The following TRIP4 variants were observed in gnomAD, a reference collection of about 807,000 sequenced individuals.
The protein encoded by TRIP4 is activating signal cointegrator 1.
A neutral mutation model predicts 81.8 loss-of-function variants in TRIP4; 54 were observed. The observed-to-expected ratio is 0.66, with a 90% CI of 0.53 to 0.83. The LOEUF is 0.83. Ranked by LOEUF, TRIP4 falls within the 40% of genes least tolerant of loss-of-function variation. TRIP4 has a pLI of 0.00. For missense variants in TRIP4, 662 were observed against 683.6 expected, an observed-to-expected ratio of 0.97 and a Z score of 0.35; for synonymous variants, 270 against 242.8, an observed-to-expected ratio of 1.11 and a Z score of -1.04.
intron 2 of TRIP4, among the ~76,000 whole-genome samples, chr15:64,395,186 A>G (rs1680755615): frequency 1.3e-5 from 2 of 152,162 alleles, no homozygotes; most frequent in Non-Finnish European, 2.9e-5. Flanking sequence ...AGTCCCAGCC[A>G]CTTGTTTGAC....
chr15:64,400,926 A>G, intron 5 of TRIP4, 105 bp downstream of exon 5: 2 of 901,992 alleles, frequency 2.2e-6, no homozygotes, highest in Non-Finnish European at 3.4e-6. Context: ...CAGTTTATTC[A>G]CTCATTCTCA....
intron 8 of TRIP4, among the ~76,000 whole-genome samples, chr15:64,417,551 G>T (rs1007501026): frequency 6.6e-6 from 1 of 152,074 alleles, no homozygotes; most frequent in African/African-American, 2.4e-5. Context: ...CGTTGCTCTG[G>T]AAGAAACATT....
intron 5 of TRIP4, among the ~76,000 whole-genome samples, chr15:64,405,114 T>A (rs2140288857): frequency 6.6e-6 from 1 of 152,174 alleles, no homozygotes; most frequent in Non-Finnish European, 1.5e-5. Flanking sequence ...AGAGTTATAC[T>A]CGAGCTCAGA....
chr15:64,395,598 A>G (rs1192968281), intron 3 of TRIP4, 67 bp downstream of exon 3: 1 of 1,519,588 alleles, frequency 6.6e-7, no homozygotes, highest in Non-Finnish European at 8.9e-7. Flanking sequence ...TACATTTCAG[A>G]GAGCAAAGTG....
chr15:64,445,256 T>A (rs1892602031), intron 12 of TRIP4, 148 bp downstream of exon 12: 2 of 445,774 alleles, frequency 4.5e-6, no homozygotes, highest in Admixed American at 4.3e-5. Context: ...TAAGTCATAA[T>A]CTTTGATGGT....
At chr15:64,413,221 A>G (rs1405306959) in intron 7 of TRIP4, among the ~76,000 whole-genome samples, 1 of 152,002 alleles carries the variant, frequency 6.6e-6, no homozygotes, top group South Asian at 2.1e-4. Flanking sequence ...TTTTTGTGAC[A>G]GGGCCTTATT....
At chr15:64,454,000 G>C (rs189741763) in intron 12 of TRIP4, among the ~76,000 whole-genome samples, 1 of 152,254 alleles carries the variant, frequency 6.6e-6, no homozygotes, top group African/African-American at 2.4e-5. Flanking sequence ...TTTTAGTCCA[G>C]TGCTCTGTTA....
chr15:64,408,340 G>C (rs539685549), intron 6 of TRIP4, among the ~76,000 whole-genome samples: 3 of 139,170 alleles, frequency 2.2e-5, no homozygotes, highest in Admixed American at 1.6e-4. Flanking sequence ...CTTACTGCAA[G>C]CTCCGCCCCC....
intron 8 of TRIP4, among the ~76,000 whole-genome samples, chr15:64,415,618 T>C (rs1345406995): frequency 1.3e-5 from 2 of 152,226 alleles, no homozygotes; most frequent in Non-Finnish European, 2.9e-5. Context: ...TCTCTGTCAC[T>C]GTGTGCTCTC....
At chr15:64,450,849 G>A in intron 12 of TRIP4, 2 of 384,750 alleles carry the variant, frequency 5.2e-6, no homozygotes, top group Non-Finnish European at 1.1e-5. Context: ...GGTCTCACTT[G>A]AGGGCTTTCA....
At position 64,400,473 on chromosome 15, in the gene TRIP4, CTT is replaced by C. The variant is rs34275640; in HGVS notation, c.619-255_619-254del. Among the ~76,000 whole-genome samples, 496 of 125,698 alleles carry C rather than the reference CTT, an allele frequency of 3.9e-3. 4 individuals carry two copies. Among genetic ancestry groups the C allele is most frequent in the Non-Finnish European group, 4.4e-3 (254 of 57,108 alleles). 82.5% of individuals were successfully genotyped at this position (125,698 alleles called of 152,430 possible). ...ACAGTCATAAGCCACTGTGCCCAGC[CTT>C]TTTTTTTTTTTTTTCTAAACCATTA... On this transcript the variant is annotated intron_variant, in intron 4 of 12. Coordinates refer to ENST00000261884, the MANE Select transcript of TRIP4 (RefSeq NM_016213.5).
At position 64,424,138 on chromosome 15, in the gene TRIP4, G is replaced by A. The variant is rs148350479; in HGVS notation, c.1466G>A (p.Arg489His). Residue 489 changes from arginine (R) to histidine (H), a missense_variant, in exon 10 of 13, where the codon CGT becomes CAT. Arg to His is a conservative substitution (Grantham distance 29, BLOSUM62 0). Transcript: ENST00000261884. ...QEVSELQATY[R>H]LLRGKDVEFP... The stretch of plus-strand genomic sequence containing the variant: ...GTCTCAGAACTCCAGGCTACATATC[G>A]TCTTCTTCGTGGGAAAGGTAACAGC... The A allele has an allele frequency of 8.1e-6, 13 of 1,613,950 alleles. No individual in the cohort carries two copies. In the African/African-American group the frequency reaches 1.2e-4, roughly 15 times the overall value.
At position 64,409,614 on chromosome 15, in the gene TRIP4, A is replaced by AT; in HGVS notation, c.831dup (p.Arg278SerfsTer7). The AT allele has an allele frequency of 1.9e-6, 3 of 1,613,744 alleles. No individual in the cohort carries two copies. The highest frequency in any genetic ancestry group is 1.7e-6 in the Non-Finnish European group (2 of 1,179,844). ...TACCATGTGTTCCCTTTTTCTCAGT[A>AT]TTCGAAGGACCCAAGTCATTGATGA... On this transcript the variant is annotated frameshift_variant and splice_region_variant, in exon 7 of 13. Transcript: ENST00000261884. LOFTEE classifies it high-confidence loss of function.
intron 11 of TRIP4, among the ~76,000 whole-genome samples, chr15:64,441,060 G>A (rs1028041523): frequency 1.3e-5 from 2 of 151,720 alleles, no homozygotes; most frequent in Middle Eastern, 3.4e-3. Context: ...GCAGTGGTGC[G>A]ATCTCGGCTC....
chr15:64,452,638 C>T (rs1892796906), intron 12 of TRIP4, among the ~76,000 whole-genome samples: 1 of 152,128 alleles, frequency 6.6e-6, no homozygotes, highest in Admixed American at 6.6e-5. Flanking sequence ...TTTCATTTTA[C>T]AGGTTTATGG....
intron 10 of TRIP4, 173 bp downstream of exon 10, chr15:64,424,328 C>G: frequency 1.2e-6 from 1 of 840,912 alleles, no homozygotes; most frequent in Non-Finnish European, 1.8e-6. Context: ...AAGCATTAAT[C>G]TGTCAAAACA....
intron 1 of TRIP4, among the ~76,000 whole-genome samples, chr15:64,391,663 G>T (rs932257489): frequency 6.6e-6 from 1 of 151,736 alleles, no homozygotes; most frequent in African/African-American, 2.4e-5. Context: ...TCTCTTCCCT[G>T]GTTGTTTGAA....
intron 11 of TRIP4, among the ~76,000 whole-genome samples, chr15:64,427,739 G>C (rs1355625911): frequency 6.6e-6 from 1 of 152,104 alleles, no homozygotes; most frequent in Non-Finnish European, 1.5e-5. Flanking sequence ...TTCCTTGTGA[G>C]TTACCTCCTC....
chr15:64,409,492 CA>C (rs1709564621), intron 6 of TRIP4, 120 bp from the exon 7 acceptor site: 1 of 873,490 alleles, frequency 1.1e-6, no homozygotes, highest in African/African-American at 1.7e-5. Context: ...AAAACATATG[CA>C]GAGCTTGACC....
Sources: gnomAD v4.1 joint callset for allele counts (sites outside exome capture counted in the v4.1 genomes callset) on GRCh38, gnomAD v4.1.1 for gene constraint, MANE v1.5 for transcripts, NCBI Gene and HGNC (gene_info 2026-07-23, HGNC 2026-07-21) for gene names.